NEDD4L: variants seen among roughly 807,000 people sequenced by gnomAD.
NEDD4L encodes the protein E3 ubiquitin-protein ligase NEDD4-like.
NEDD4L carries 54 observed loss-of-function variants against 148.9 expected under a neutral mutation model. That is an observed-to-expected ratio of 0.36 (90% CI 0.29 to 0.45). The LOEUF is 0.45. NEDD4L is among the 20% of genes least tolerant of loss of function. The pLI is 1.00. For missense variants in NEDD4L, 856 were observed against 1,233.8 expected, an observed-to-expected ratio of 0.69 and a Z score of 4.59; for synonymous variants, 433 against 440.7, an observed-to-expected ratio of 0.98 and a Z score of 0.22.
chr18:58,073,451 C>T (rs974183766), intron 1 of NEDD4L, among the ~76,000 whole-genome samples: 1 of 152,126 alleles, frequency 6.6e-6, no homozygotes, highest in African/African-American at 2.4e-5. Context: ...CTTAACTTTA[C>T]AGTCAGTTGT....
intron 2 of NEDD4L, among the ~76,000 whole-genome samples, chr18:58,226,299 G>C (rs2044347315): frequency 6.6e-6 from 1 of 152,216 alleles, no homozygotes; most frequent in African/African-American, 2.4e-5. Context: ...GCCTGAACTT[G>C]AGGCTGCACC....
intron 13 of NEDD4L, among the ~76,000 whole-genome samples, chr18:58,340,640 G>C (rs890556888): frequency 1.1e-4 from 17 of 152,218 alleles, no homozygotes; most frequent in Non-Finnish European, 1.3e-4. Flanking sequence ...GAGAAACTCA[G>C]AGCATCCCTC....
intron 1 of NEDD4L, among the ~76,000 whole-genome samples, chr18:58,105,429 C>T (rs915019340): frequency 6.6e-6 from 1 of 152,158 alleles, no homozygotes; most frequent in Admixed American, 6.5e-5. Flanking sequence ...CTTAGTCATT[C>T]TCGAGACTCC....
chr18:58,351,607 C>A (rs1193739469), intron 18 of NEDD4L, among the ~76,000 whole-genome samples: 2 of 152,178 alleles, frequency 1.3e-5, no homozygotes, highest in Non-Finnish European at 1.5e-5. Flanking sequence ...TGTGGTTTCT[C>A]ATTCCAACTA....
chr18:58,180,127 A>G (rs1171640831), intron 2 of NEDD4L, among the ~76,000 whole-genome samples: 2 of 152,204 alleles, frequency 1.3e-5, no homozygotes, highest in African/African-American at 2.4e-5. Flanking sequence ...GTGACTGTGC[A>G]TTGCCCTGGG....
chr18:58,194,051 C>T (rs916548999), intron 2 of NEDD4L: 2 of 152,260 alleles, frequency 1.3e-5, no homozygotes, highest in Non-Finnish European at 2.9e-5. Flanking sequence ...AACTTTTACG[C>T]TCCCCGCTGT....
chr18:58,222,029 C>G (rs972723942), intron 2 of NEDD4L, among the ~76,000 whole-genome samples: 5 of 152,186 alleles, frequency 3.3e-5, no homozygotes, highest in Admixed American at 1.3e-4. Context: ...TGCTTCTTAA[C>G]TTTCTTGACT....
intron 2 of NEDD4L, among the ~76,000 whole-genome samples, chr18:58,241,435 C>G (rs182081000): frequency 6.6e-6 from 1 of 152,214 alleles, no homozygotes; most frequent in East Asian, 1.9e-4. Context: ...ATCACTGGAG[C>G]TCTGCCTGTG....
At chr18:58,350,546 A>C (rs772384744) in intron 17 of NEDD4L, among the ~76,000 whole-genome samples, 3 of 152,360 alleles carry the variant, frequency 2.0e-5, no homozygotes, top group Non-Finnish European at 4.4e-5. Flanking sequence ...CTTGACTAGC[A>C]AAAGTTCATG....
chr18:58,130,712 T>C (rs1598987976), intron 1 of NEDD4L, among the ~76,000 whole-genome samples: 1 of 142,484 alleles, frequency 7.0e-6, no homozygotes, highest in East Asian at 2.1e-4. Flanking sequence ...GGCTGTGATC[T>C]AGTGGAACTG....
chr18:58,319,879 A>G (rs1389991949), intron 6 of NEDD4L, among the ~76,000 whole-genome samples: 5 of 152,292 alleles, frequency 3.3e-5, no homozygotes, highest in African/African-American at 1.2e-4. Context: ...GGTGCCCTTG[A>G]GAACTTTATA....
chr18:58,124,201 G>A (rs2030579029), intron 1 of NEDD4L, among the ~76,000 whole-genome samples: 1 of 152,154 alleles, frequency 6.6e-6, no homozygotes, highest in South Asian at 2.1e-4. Flanking sequence ...GAGTGCCAGA[G>A]GGTGTTCCCC....
chr18:58,237,810 C>T (rs931830338), intron 2 of NEDD4L, among the ~76,000 whole-genome samples: 3 of 152,130 alleles, frequency 2.0e-5, no homozygotes, highest in Non-Finnish European at 4.4e-5. Flanking sequence ...TACAGTTGCC[C>T]CCTGTCTCCC....
intron 2 of NEDD4L, among the ~76,000 whole-genome samples, chr18:58,214,607 TTG>T (rs59608519): frequency 0.051 from 7,398 of 145,314 alleles, 483 homozygotes; most frequent in African/African-American, 0.16. Flanking sequence ...GCTGCTCGGT[TTG>T]TGTGTGTGTG....
intron 2 of NEDD4L, among the ~76,000 whole-genome samples, chr18:58,236,049 T>A (rs1291750548): frequency 2.7e-5 from 4 of 148,100 alleles, no homozygotes; most frequent in Admixed American, 1.4e-4. Flanking sequence ...AAATAAAAAT[T>A]AAAATAAAAA....
intron 2 of NEDD4L, among the ~76,000 whole-genome samples, chr18:58,223,363 G>A (rs1225166830): frequency 6.6e-6 from 1 of 152,166 alleles, no homozygotes; most frequent in Non-Finnish European, 1.5e-5. Context: ...AATGAAGGCA[G>A]GTATGAAATT....
chr18:58,358,693 A>G (rs762562733), intron 19 of NEDD4L, among the ~76,000 whole-genome samples: 2 of 152,114 alleles, frequency 1.3e-5, no homozygotes, highest in African/African-American at 4.8e-5. Context: ...TATTCATTAT[A>G]TTGCTTTCAA....
intron 15 of NEDD4L, 44 bp downstream of exon 15, chr18:58,341,841 A>G (rs2042466406): frequency 6.3e-7 from 1 of 1,588,166 alleles, no homozygotes; most frequent in South Asian, 1.2e-5. Context: ...CTGTCCTGTG[A>G]CTCCCATTCT....
chr18:58,378,568 G>A (rs1411864722), intron 24 of NEDD4L, among the ~76,000 whole-genome samples: 1 of 152,236 alleles, frequency 6.6e-6, no homozygotes, highest in Non-Finnish European at 1.5e-5. Context: ...AGGCTGGCAT[G>A]GACTTGCTGC....
Sources: gnomAD v4.1 joint callset for allele counts (sites outside exome capture counted in the v4.1 genomes callset) on GRCh38, gnomAD v4.1.1 for gene constraint, MANE v1.5 for transcripts, NCBI Gene and HGNC (gene_info 2026-07-23, HGNC 2026-07-21) for gene names.